Variants in PARN observed in about 807,000 individuals in gnomAD.
PARN encodes poly(A)-specific ribonuclease, also known as poly(A)-specific ribonuclease PARN.
In PARN, 71 loss-of-function variants were observed where a neutral mutation model predicts 102.8. The ratio of observed to expected loss-of-function variants is 0.69; its 90% CI spans 0.57 to 0.84. The LOEUF is 0.84. PARN is among the 40% of genes least tolerant of loss of function. The probability of loss-of-function intolerance (pLI) is 0.00; values close to 1 mark genes in which losing one functional copy is unlikely to be tolerated. For missense variants in PARN, 782 were observed against 760.9 expected (o/e 1.03, Z -0.33); for synonymous variants, 261 against 252.9 (o/e 1.03, Z -0.30).
intron 22 of PARN, among the ~76,000 whole-genome samples, chr16:14,474,885 T>C (rs557128051): frequency 1.3e-5 from 2 of 152,366 alleles, no homozygotes; most frequent in African/African-American, 2.4e-5. Context: ...TGGAATATGA[T>C]CTGGTGAATT....
intron 12 of PARN, among the ~76,000 whole-genome samples, chr16:14,597,035 C>G (rs910177279): frequency 2.0e-5 from 3 of 152,194 alleles, no homozygotes; most frequent in East Asian, 1.9e-4. Context: ...GATCCGCCCC[C>G]CTTGGCCTCC....
chr16:14,481,902 T>C (rs1963403490), intron 22 of PARN, among the ~76,000 whole-genome samples: 1 of 152,114 alleles, frequency 6.6e-6, no homozygotes, highest in East Asian at 1.9e-4. Flanking sequence ...TAAAAGGAAG[T>C]GTGAGTCAAG....
intron 18 of PARN, among the ~76,000 whole-genome samples, chr16:14,568,830 G>A (rs1238832493): frequency 6.6e-6 from 1 of 152,040 alleles, no homozygotes; most frequent in African/African-American, 2.4e-5. Context: ...GGGAGGCAGA[G>A]GTTGCAGTGA....
At chr16:14,526,213 G>A (rs551305636) in intron 21 of PARN, among the ~76,000 whole-genome samples, 56 of 137,784 alleles carry the variant, frequency 4.1e-4, no homozygotes, top group Non-Finnish European at 6.9e-4. Context: ...GTCTTGCTCT[G>A]TCACCCAGGC....
intron 21 of PARN, among the ~76,000 whole-genome samples, chr16:14,510,366 T>C (rs770170616): frequency 1.2e-4 from 19 of 152,184 alleles, no homozygotes; most frequent in Admixed American, 4.6e-4. Context: ...AAATATCCAA[T>C]GTACCCAGTA....
chr16:14,452,285 G>A (rs1961496668), intron 22 of PARN, among the ~76,000 whole-genome samples: 1 of 152,186 alleles, frequency 6.6e-6, no homozygotes, highest in South Asian at 2.1e-4. Flanking sequence ...CAGGGACTCT[G>A]CCAGATGTGC....
chr16:14,628,995 A>G (rs777104758), intron 2 of PARN, among the ~76,000 whole-genome samples: 3 of 152,260 alleles, frequency 2.0e-5, no homozygotes, highest in Admixed American at 6.5e-5. Flanking sequence ...GCATAAAGAA[A>G]TATCTCATTT....
chr16:14,499,407 T>G (rs1964474386), intron 21 of PARN, among the ~76,000 whole-genome samples: 1 of 152,178 alleles, frequency 6.6e-6, no homozygotes, highest in African/African-American at 2.4e-5. Context: ...TTTTCCCATT[T>G]GCTGAGGAAC....
chr16:14,466,241 A>C (rs934395761), intron 22 of PARN, among the ~76,000 whole-genome samples: 1 of 152,240 alleles, frequency 6.6e-6, no homozygotes, highest in African/African-American at 2.4e-5. Context: ...TCTGAGGGAC[A>C]GGATGAGGGT....
chr16:14,622,752 C>T (rs748572151), intron 5 of PARN, among the ~76,000 whole-genome samples: 3 of 152,176 alleles, frequency 2.0e-5, no homozygotes, highest in Admixed American at 6.5e-5. Context: ...GTGATCCGCC[C>T]GACTTGGCCT....
Position 14,582,831 on chromosome 16 carries a change from A to C in PARN, c.1082-540T>G, listed in dbSNP as rs566126283. Among the ~76,000 whole-genome samples, 3 of 152,204 alleles carry C rather than the reference A, an allele frequency of 2.0e-5. No homozygotes were observed. In the South Asian group the frequency reaches 6.2e-4, roughly 32 times the overall value. Reference sequence around the variant, plus strand: ...GAGATGATAATCAAACCTTCTTCAAAAGGTTATTGTTAGGATCAGATAAGA... The same window carrying C: ...GAGATGATAATCAAACCTTCTTCAACAGGTTATTGTTAGGATCAGATAAGA... On this transcript the variant is annotated intron_variant, in intron 16 of 23. Coordinates refer to ENST00000437198, the MANE Select transcript of PARN (RefSeq NM_002582.4).
chr16:14,577,050 G>A (rs759970485), intron 18 of PARN, among the ~76,000 whole-genome samples: 1 of 152,164 alleles, frequency 6.6e-6, no homozygotes, highest in African/African-American at 2.4e-5. Flanking sequence ...TCCCTTCGAG[G>A]TTTACTTTTT....
intron 22 of PARN, among the ~76,000 whole-genome samples, chr16:14,457,373 G>C (rs538265702): frequency 6.6e-6 from 1 of 152,268 alleles, no homozygotes; most frequent in African/African-American, 2.4e-5. Flanking sequence ...CGAATTCCAT[G>C]AGCATGACTG....
chr16:14,528,621 G>T (rs1047433888), intron 21 of PARN, among the ~76,000 whole-genome samples: 1 of 152,048 alleles, frequency 6.6e-6, no homozygotes, highest in Non-Finnish European at 1.5e-5. Context: ...AGACTGATGT[G>T]GGGGGGAAAG....
At chr16:14,627,032 C>A in intron 5 of PARN, 74 bp downstream of exon 5, 4 of 881,658 alleles carry the variant, frequency 4.5e-6, no homozygotes, top group South Asian at 1.5e-5. Context: ...AATAGAGAAC[C>A]AAATTCTGAT....
chr16:14,514,044 T>G (rs1596549214), intron 21 of PARN, among the ~76,000 whole-genome samples: 1 of 152,264 alleles, frequency 6.6e-6, no homozygotes, highest in South Asian at 2.1e-4. Flanking sequence ...GGACATATCA[T>G]GAACCTCAGA....
intron 22 of PARN, among the ~76,000 whole-genome samples, chr16:14,477,131 G>T (rs537854491): frequency 5.9e-5 from 9 of 152,088 alleles, no homozygotes; most frequent in Non-Finnish European, 1.2e-4. Context: ...AAAAATATAC[G>T]ATGCAAACGC....
chr16:14,616,594 A>G (rs138006248), intron 6 of PARN, among the ~76,000 whole-genome samples: 2 of 152,220 alleles, frequency 1.3e-5, no homozygotes, highest in Non-Finnish European at 2.9e-5. Flanking sequence ...AAATTCGAAA[A>G]TCAGCCAGGC....
intron 21 of PARN, among the ~76,000 whole-genome samples, chr16:14,532,860 A>AC (rs1232194167): frequency 3.2e-4 from 46 of 145,114 alleles, no homozygotes; most frequent in Middle Eastern, 3.5e-3. Flanking sequence ...CGGGGGGCTG[A>AC]CCCCCCCACC....
Sources: gnomAD v4.1 joint callset for allele counts (sites outside exome capture counted in the v4.1 genomes callset) on GRCh38, gnomAD v4.1.1 for gene constraint, MANE v1.5 for transcripts, NCBI Gene and HGNC (gene_info 2026-07-23, HGNC 2026-07-21) for gene names.